The following GRID1 variants were observed in gnomAD, a reference collection of about 807,000 sequenced individuals.
GRID1 encodes the protein glutamate ionotropic receptor delta type subunit 1.
A neutral mutation model predicts 98.0 loss-of-function variants in GRID1; 28 were observed. The observed-to-expected ratio is 0.29, with a 90% CI of 0.21 to 0.39. The LOEUF (loss-of-function observed/expected upper bound fraction) is 0.39, where lower values mean the gene tolerates loss of function less well. Among genes scored for constraint, GRID1 ranks in the 10% least tolerant of loss-of-function variants. The pLI is 1.00. For missense variants in GRID1, 1,111 were observed against 1,340.5 expected, an observed-to-expected ratio of 0.83 and a Z score of 2.67; for synonymous variants, 553 against 538.5, an observed-to-expected ratio of 1.03 and a Z score of -0.37.
chr10:86,342,481 G>A (rs1391461119), intron 2 of GRID1, among the ~76,000 whole-genome samples: 1 of 152,244 alleles, frequency 6.6e-6, no homozygotes, highest in East Asian at 1.9e-4. Context: ...GAAGTCTTTT[G>A]GGCAACTTGG....
At chr10:85,782,837 G>A (rs540003383) in intron 8 of GRID1, among the ~76,000 whole-genome samples, 21 of 152,310 alleles carry the variant, frequency 1.4e-4, no homozygotes, top group African/African-American at 3.6e-4. Context: ...ATTAGTGTAC[G>A]TGCACGTCTA....
intron 4 of GRID1, among the ~76,000 whole-genome samples, chr10:86,077,806 G>A (rs1308676590): frequency 1.3e-5 from 2 of 152,124 alleles, no homozygotes; most frequent in Admixed American, 6.5e-5. Flanking sequence ...ATCATGGATG[G>A]GAAAAAAAAC....
At chr10:85,647,119 C>T (rs2132552308) in intron 13 of GRID1, 83 bp downstream of exon 13, 3 of 1,068,380 alleles carry the variant, frequency 2.8e-6, no homozygotes, top group East Asian at 4.7e-5. Context: ...AGGCAGATGC[C>T]CCTGGAGGTG....
At chr10:85,847,311 A>G (rs1843015741) in intron 8 of GRID1, among the ~76,000 whole-genome samples, 2 of 152,184 alleles carry the variant, frequency 1.3e-5, no homozygotes, top group Non-Finnish European at 2.9e-5. Flanking sequence ...TGAGATATGA[A>G]AAAGACCTGG....
rs1332526315 is a variant in GRID1 at position 85,731,501 on chromosome 10, A to T, written c.1234-1887T>A. Among the ~76,000 whole-genome samples, 5 of 151,214 alleles carry T rather than the reference A, an allele frequency of 3.3e-5. No individual in the cohort carries two copies. In the East Asian group the frequency reaches 9.7e-4, roughly 29 times the overall value. On this transcript the variant is annotated intron_variant, in intron 8 of 15. Transcript: ENST00000327946. ...AAGCAAAAATCATGGCTATTTCTCC[A>T]TTGGACCTTAAAAAATAGGCTGAGA...
In GRID1 at chr10:86,206,325, G is replaced by C; in HGVS notation, c.520+39C>G. ...GGTCTCCCAGCATCTGGCCATCCCT[G>C]TCCCCAAGCAGCCCCAGCTCGCCTG... On this transcript the variant is annotated intron_variant, in intron 3 of 15. Transcript: ENST00000327946. This position sits in a 1 kb window ranked among gnomAD's most constrained non-coding sequence, Gnocchi z 4.1. 1 of 1,558,788 alleles carries C rather than the reference G, an allele frequency of 6.4e-7. No homozygotes were observed. The highest frequency in any genetic ancestry group is 8.7e-7 in the Non-Finnish European group (1 of 1,149,386).
At chr10:85,786,383 A>C (rs1842429495) in intron 8 of GRID1, among the ~76,000 whole-genome samples, 1 of 152,214 alleles carries the variant, frequency 6.6e-6, no homozygotes, top group South Asian at 2.1e-4. Flanking sequence ...CTAGGATTCA[A>C]GATAACCTGT....
rs558466728 is a variant in GRID1, at chr10:86,239,204, T to A, written c.236-32556A>T. On this transcript the variant is annotated intron_variant, in intron 2 of 15. Transcript: ENST00000327946. Reference sequence around the variant, plus strand: ...GAGTCAAAGGAGATTATTTTGAAGCTTTAAGATTTAGTGACTGGGTTTTGG... The same window carrying A: ...GAGTCAAAGGAGATTATTTTGAAGCATTAAGATTTAGTGACTGGGTTTTGG... 2.0e-5 allele frequency among the ~76,000 whole-genome samples: 3 copies of A among 152,342 alleles called. No individual in the cohort carries two copies. The East Asian group carries it at 5.8e-4, about 29-fold the overall frequency.
chr10:85,766,692 G>T (rs888533169), intron 8 of GRID1, among the ~76,000 whole-genome samples: 2 of 151,294 alleles, frequency 1.3e-5, no homozygotes, highest in Non-Finnish European at 2.9e-5. Context: ...AAAATGACAG[G>T]GGAGAAATTA....
chr10:85,625,260 C>G (rs1437927545), intron 13 of GRID1, among the ~76,000 whole-genome samples: 1 of 152,162 alleles, frequency 6.6e-6, no homozygotes, highest in African/African-American at 2.4e-5. Context: ...ATCTGCATAC[C>G]CTGTGTGCCC....
At chr10:86,214,248 C>A (rs935674971) in intron 2 of GRID1, among the ~76,000 whole-genome samples, 12 of 152,220 alleles carry the variant, frequency 7.9e-5, no homozygotes, top group African/African-American at 2.9e-4. Flanking sequence ...TTCCAGGTAG[C>A]AGGCCTTTGT....
intron 4 of GRID1, among the ~76,000 whole-genome samples, chr10:86,067,684 G>A (rs1715715953): frequency 6.6e-6 from 1 of 152,200 alleles, no homozygotes; most frequent in Non-Finnish European, 1.5e-5. Context: ...AAAGGCCTCT[G>A]CCTCACACAG....
At chr10:86,289,256 C>T (rs871709) in intron 2 of GRID1, among the ~76,000 whole-genome samples, 120,515 of 152,036 alleles carry the variant, frequency 0.79, 49,678 homozygotes, top group Non-Finnish European at 0.91. Flanking sequence ...AACAGAGGGC[C>T]CCAAGAAGCA....
intron 4 of GRID1, among the ~76,000 whole-genome samples, chr10:86,114,354 G>C (rs527599213): frequency 1.4e-4 from 21 of 152,278 alleles, no homozygotes; most frequent in Admixed American, 4.6e-4. Context: ...AGGGAAGGCA[G>C]TGGAGAGGTG....
chr10:85,811,722 A>G (rs1343847799), intron 8 of GRID1, among the ~76,000 whole-genome samples: 1 of 152,178 alleles, frequency 6.6e-6, no homozygotes, highest in African/African-American at 2.4e-5. Flanking sequence ...TTAAGTGAAT[A>G]ACTATTTGCA....
At chr10:85,752,061 A>G (rs987809708) in intron 8 of GRID1, among the ~76,000 whole-genome samples, 1 of 152,210 alleles carries the variant, frequency 6.6e-6, no homozygotes, top group Non-Finnish European at 1.5e-5. Context: ...TATTTAATGA[A>G]GCTTGGAATA....
At chr10:86,033,240 G>C (rs1843211203) in intron 4 of GRID1, among the ~76,000 whole-genome samples, 1 of 152,062 alleles carries the variant, frequency 6.6e-6, no homozygotes, top group Non-Finnish European at 1.5e-5. Flanking sequence ...CAAGAAAAAT[G>C]TGAAAAGTAA....
intron 5 of GRID1, among the ~76,000 whole-genome samples, chr10:85,899,082 T>A (rs1170225879): frequency 6.6e-6 from 1 of 152,206 alleles, no homozygotes; most frequent in Non-Finnish European, 1.5e-5. Context: ...CACTAAAATC[T>A]TATGGGACTG....
At chr10:85,653,915 T>TA (rs977008880) in intron 12 of GRID1, among the ~76,000 whole-genome samples, 9 of 151,916 alleles carry the variant, frequency 5.9e-5, no homozygotes, top group Admixed American at 1.3e-4. Flanking sequence ...ATGCCCTTTT[T>TA]AAAAAAAATA....
Sources: allele counts gnomAD v4.1 joint callset (sites outside exome capture counted in the v4.1 genomes callset), GRCh38; gene constraint gnomAD v4.1.1; non-coding constraint Gnocchi (gnomAD v3.1); transcripts MANE v1.5; gene names NCBI Gene and HGNC (gene_info 2026-07-23, HGNC 2026-07-21).